The following PUF60 variants were observed in gnomAD, a reference collection of about 807,000 sequenced individuals.
PUF60 encodes the protein poly(U) binding splicing factor 60, also known as poly(U)-binding-splicing factor PUF60.
In PUF60, 10 loss-of-function variants were observed where a neutral mutation model predicts 61.8. The ratio of observed to expected loss-of-function variants is 0.16; its 90% CI spans 0.10 to 0.27. The LOEUF is 0.27. Among genes scored for constraint, PUF60 ranks in the 10% least tolerant of loss-of-function variants. The pLI is 1.00. For synonymous variants in PUF60, 353 were observed against 300.9 expected (o/e 1.17, Z -1.79); for missense variants, 371 against 754.0 (o/e 0.49, Z 5.95).
Position 143,822,591 on chromosome 8 carries a change from C to T in PUF60, c.112-678G>A, listed in dbSNP as rs770151640. 572 of 456,462 alleles carry T rather than the reference C, an allele frequency of 1.3e-3. 13 individuals are homozygous for T. The highest frequency in any genetic ancestry group is 3.8e-4 in the Admixed American group (16 of 42,568). 28.3% of individuals were successfully genotyped at this position (456,462 alleles called of 1,614,324 possible). Reference sequence around the variant, plus strand: ...GCTTTGCCTGGCCCACTGGGAGAAGCCAGGAGCAGACCCCACTGGCACCCT... The same window carrying T: ...GCTTTGCCTGGCCCACTGGGAGAAGTCAGGAGCAGACCCCACTGGCACCCT... On this transcript the variant is annotated intron_variant, in intron 2 of 11. Coordinates refer to ENST00000526683, the MANE Select transcript of PUF60 (RefSeq NM_078480.3).
At position 143,816,982 on chromosome 8, in the gene PUF60, C is replaced by T. The variant is rs772865321; in HGVS notation, c.1308G>A (p.Glu436=). ...PESERPEMLS[E]QEHMSISGSS... ...TGCCCGAGATGCTCATGTGCTCCTG[C>T]TCGCTCAGCATCTCTGGCCGCTCTG... The change falls in exon 11 of 12, where the codon GAG becomes GAA. Residue 436 remains glutamate, a synonymous_variant. Transcript: ENST00000526683. 1 of 1,604,680 alleles carries T rather than the reference C, an allele frequency of 6.2e-7. No homozygotes were observed. Among genetic ancestry groups the T allele is most frequent in the East Asian group, 2.2e-5 (1 of 44,468 alleles).
intron 1 of PUF60, among the ~76,000 whole-genome samples, chr8:143,825,855 G>GT (rs1347905475): frequency 1.3e-5 from 2 of 152,252 alleles, no homozygotes; most frequent in African/African-American, 4.8e-5. Flanking sequence ...GGGCACTTTT[G>GT]TAACTTCCTG....
At position 143,829,136 on chromosome 8, in the gene PUF60, T is replaced by C. The variant is rs1451313952; in HGVS notation, c.24+144A>G. 5 of 1,195,938 alleles carry C rather than the reference T, an allele frequency of 4.2e-6. No homozygotes were observed. The African/African-American group carries it at 4.8e-5, about 11-fold the overall frequency. The allele number at this position is 1,195,938 out of a possible 1,614,324, so 74.1% of individuals were successfully genotyped here. A position where few individuals can be genotyped will look rare whatever the true frequency, so the allele number is the denominator to read the frequency against. ...GGCGCGCGCCCGCCCCGCCCCCGCC[T>C]CACGCGACCCGGGGACACGAGGGAG... On this transcript the variant is annotated intron_variant, in intron 1 of 11. Transcript: ENST00000526683.
chr8:143,816,372 G>C lies in PUF60; in HGVS notation c.*148C>G. Reference sequence around the variant, plus strand: ...GTGACAGGACCGACGGCAGACACACGGACGTTCAGGGCCAGCAGCATCCGC... The same window carrying C: ...GTGACAGGACCGACGGCAGACACACCGACGTTCAGGGCCAGCAGCATCCGC... On this transcript the variant is annotated 3_prime_UTR_variant, in exon 12 of 12. Transcript: ENST00000526683. The C allele has an allele frequency of 5.7e-6, 5 of 874,906 alleles. No homozygotes were observed. The South Asian group carries it at 8.9e-5, about 16-fold the overall frequency. The allele number at this position is 874,906 out of a possible 1,614,324, so 54.2% of individuals were successfully genotyped here.
chr8:143,827,131 T>C (rs1197434405), intron 1 of PUF60: 1 of 317,708 alleles, frequency 3.1e-6, no homozygotes, highest in African/African-American at 2.2e-5. Flanking sequence ...CAGCAAAGAA[T>C]GCCAAAATCA....
intron 2 of PUF60, chr8:143,822,634 G>A: frequency 2.2e-6 from 1 of 454,554 alleles, no homozygotes; most frequent in South Asian, 1.6e-5. Context: ...TGGGCCTGGG[G>A]ACCAAGAGGC....
intron 2 of PUF60, chr8:143,822,346 C>T (rs1817118037): frequency 2.7e-6 from 1 of 372,028 alleles, no homozygotes; most frequent in South Asian, 2.0e-5. Flanking sequence ...CTCCCAGGCT[C>T]CTCCAGGCTT....
chr8:143,821,287 G>A (rs1816986925), intron 4 of PUF60: 2 of 540,468 alleles, frequency 3.7e-6, no homozygotes, highest in Admixed American at 3.2e-5. Flanking sequence ...GTGCACAGCT[G>A]GGGCAGGGAG....
At chr8:143,820,331 C>T (rs892608166) in intron 5 of PUF60, 1 of 370,428 alleles carries the variant, frequency 2.7e-6, no homozygotes, top group Non-Finnish European at 4.9e-6. Context: ...ACTGACGGGG[C>T]TGGAGGCCGT....
At chr8:143,822,912 G>A (rs1189805668) in intron 2 of PUF60, 1 of 282,856 alleles carries the variant, frequency 3.5e-6, no homozygotes, top group Non-Finnish European at 7.1e-6. Context: ...GGACAGCAGA[G>A]AAGAGAGAAG....
Position 143,817,896 on chromosome 8 carries a change from G to A in PUF60, c.783C>T (p.Pro261=), listed in dbSNP as rs1302291301. ...CGTAGCCCTTGTGCTTGCCAGTTGT[G>A]GGGTCCCGGGCCAGTGTGCAGGACT... ...KIKSCTLARD[P]TTGKHKGYGF... is the part of the protein sequence containing the mutation. Residue 261 remains proline (P), a synonymous_variant, in exon 8 of 12, where the codon CCC becomes CCT. Coordinates refer to ENST00000526683, the MANE Select transcript of PUF60 (RefSeq NM_078480.3). The surrounding 1 kb of genome is among the most constrained non-coding windows in gnomAD (Gnocchi z 7.4). 1 of 1,612,650 alleles carries A rather than the reference G, an allele frequency of 6.2e-7. No individual in the cohort carries two copies. The highest frequency in any genetic ancestry group is 2.2e-5 in the East Asian group (1 of 44,866).
intron 5 of PUF60, among the ~76,000 whole-genome samples, chr8:143,819,337 C>A (rs116975352): frequency 0.053 from 8,140 of 152,196 alleles, 292 homozygotes; most frequent in Non-Finnish European, 0.084. Flanking sequence ...GGGACCTCCC[C>A]ACACCCTCAG....
chr8:143,821,727 A>G, intron 3 of PUF60, 41 bp from the exon 4 acceptor site: 1 of 1,546,280 alleles, frequency 6.5e-7, no homozygotes, highest in Non-Finnish European at 8.7e-7. Flanking sequence ...GGCCCAGCCC[A>G]TGGGAGACAG....
intron 4 of PUF60, among the ~76,000 whole-genome samples, chr8:143,820,944 G>C: frequency 6.6e-6 from 1 of 152,262 alleles, no homozygotes; most frequent in Admixed American, 6.5e-5. Flanking sequence ...AAGGAAGGGA[G>C]GGAGGAAGGG....
rs768539133 is a variant in PUF60, at chr8:143,817,571, G to C, written c.1008+21C>G. The C allele has an allele frequency of 1.9e-6, 3 of 1,609,880 alleles. No homozygotes were observed. The highest frequency in any genetic ancestry group is 2.5e-6 in the Non-Finnish European group (3 of 1,179,078). On this transcript the variant is annotated intron_variant, in intron 9 of 11. Coordinates refer to ENST00000526683, the MANE Select transcript of PUF60 (RefSeq NM_078480.3). The surrounding 1 kb of genome is among the most constrained non-coding windows in gnomAD (Gnocchi z 7.4). The stretch of plus-strand genomic sequence containing the variant: ...GGGCCAGCCCGCCCACCCTCAAGCC[G>C]ACAGCTGTGTGGGCCCTCACCTGAG...
intron 4 of PUF60, 124 bp downstream of exon 4, chr8:143,821,471 CTT>C: frequency 1.1e-6 from 1 of 906,328 alleles, no homozygotes; most frequent in Non-Finnish European, 1.7e-6. Context: ...GAGCATGAGT[CTT>C]TGAGAATCGG....
intron 1 of PUF60, chr8:143,825,264 C>T (rs1158404155): frequency 1.3e-5 from 2 of 152,290 alleles, no homozygotes; most frequent in Non-Finnish European, 2.9e-5. Flanking sequence ...CCCTTGGAGC[C>T]ATGTGCGCAA....
Position 143,829,099 on chromosome 8 carries a change from G to C in PUF60, c.24+181C>G, listed in dbSNP as rs1248251056. 6.2e-6 allele frequency: 7 copies of C among 1,125,294 alleles called. No individual in the cohort carries two copies. In the South Asian group the frequency reaches 1.7e-4, roughly 28 times the overall value. The allele number at this position is 1,125,294 out of a possible 1,614,324, so 69.7% of individuals were successfully genotyped here. On this transcript the variant is annotated intron_variant, in intron 1 of 11. Coordinates refer to ENST00000526683, the MANE Select transcript of PUF60 (RefSeq NM_078480.3). ...TCCGCAGGCCGGAAGCTGAGGCCGC[G>C]AGCCGGCCGCCGGCGCGCGCCCGCC...
rs1816674107 is a variant in PUF60, at chr8:143,818,736, G to A, written c.349-202C>T. On this transcript the variant is annotated intron_variant, in intron 5 of 11. Coordinates refer to ENST00000526683, the MANE Select transcript of PUF60 (RefSeq NM_078480.3). This position sits in a 1 kb window ranked among gnomAD's most constrained non-coding sequence, Gnocchi z 7.9. ...ACCCAAAGAAGGAAGGCCAGGCCCA[G>A]CGGCAGGACAGGACGCACCCCAGCC... 2 of 629,582 alleles carry A rather than the reference G, an allele frequency of 3.2e-6. No individual in the cohort carries two copies. Among genetic ancestry groups the A allele is most frequent in the African/African-American group, 3.7e-5 (2 of 54,308 alleles). The allele number at this position is 629,582 out of a possible 1,614,324, so 39.0% of individuals were successfully genotyped here.
Sources: allele counts gnomAD v4.1 joint callset (sites outside exome capture counted in the v4.1 genomes callset), GRCh38; gene constraint gnomAD v4.1.1; non-coding constraint Gnocchi (gnomAD v3.1); transcripts MANE v1.5; gene names NCBI Gene and HGNC (gene_info 2026-07-23, HGNC 2026-07-21).